The following FHOD3 variants were observed in gnomAD, a reference collection of about 807,000 sequenced individuals.
FHOD3 encodes FH1/FH2 domain-containing protein 3.
Under a neutral mutation model 173.0 loss-of-function variants are expected in FHOD3, and 90 were observed. That is an observed-to-expected ratio of 0.52 (90% confidence interval 0.44 to 0.62). The LOEUF is 0.62. FHOD3 is among the 20% of genes least tolerant of loss of function. The pLI is 0.00. For missense variants in FHOD3, 1,945 were observed against 2,034.7 expected (o/e 0.96, Z 0.85); for synonymous variants, 828 against 823.0 (o/e 1.01, Z -0.10).
At chr18:36,405,961 C>T (rs2049035464) in intron 3 of FHOD3, among the ~76,000 whole-genome samples, 1 of 152,174 alleles carries the variant, frequency 6.6e-6, no homozygotes, top group Non-Finnish European at 1.5e-5. Flanking sequence ...GGTCTGTGCC[C>T]AGCAGTGCTA....
At chr18:36,443,424 T>C (rs1235266172) in intron 3 of FHOD3, among the ~76,000 whole-genome samples, 2 of 152,220 alleles carry the variant, frequency 1.3e-5, no homozygotes, top group Non-Finnish European at 2.9e-5. Flanking sequence ...TTATCATCAC[T>C]TATTTTGTTG....
intron 1 of FHOD3, 51 bp downstream of exon 1, chr18:36,298,051 G>C: frequency 7.1e-7 from 1 of 1,402,088 alleles, no homozygotes; most frequent in Admixed American, 3.3e-5. Flanking sequence ...CCCCTGCCGC[G>C]GTGCGCGCCG....
chr18:36,477,221 A>G (rs951513758), intron 3 of FHOD3, among the ~76,000 whole-genome samples: 2 of 152,098 alleles, frequency 1.3e-5, no homozygotes, highest in Non-Finnish European at 2.9e-5. Flanking sequence ...CAGGAGGGAG[A>G]TGAGGTTGGG....
At chr18:36,477,587 C>CTACT (rs1345881766) in intron 3 of FHOD3, among the ~76,000 whole-genome samples, 62 of 148,490 alleles carry the variant, frequency 4.2e-4, no homozygotes, top group Non-Finnish European at 7.5e-4. Flanking sequence ...ACCTACCTAC[C>CTACT]TACCTACCTA....
intron 1 of FHOD3, among the ~76,000 whole-genome samples, chr18:36,298,594 C>T (rs2091871061): frequency 6.6e-6 from 1 of 152,098 alleles, no homozygotes; most frequent in African/African-American, 2.4e-5. Context: ...AGGGTATCCC[C>T]CTTTTCTTCT....
chr18:36,468,821 T>G (rs533438004), intron 3 of FHOD3, among the ~76,000 whole-genome samples: 1 of 151,798 alleles, frequency 6.6e-6, no homozygotes, highest in Admixed American at 6.6e-5. Flanking sequence ...CACCTGGGAG[T>G]GCAAGCCACC....
chr18:36,499,721 C>T (rs144519803), intron 3 of FHOD3, among the ~76,000 whole-genome samples: 6 of 152,320 alleles, frequency 3.9e-5, no homozygotes, highest in African/African-American at 1.4e-4. Context: ...CTTTAGAGGT[C>T]AGCCTGAGAG....
chr18:36,423,290 GAGATC>G (rs1194922851), intron 3 of FHOD3, among the ~76,000 whole-genome samples: 2 of 152,154 alleles, frequency 1.3e-5, no homozygotes, highest in Admixed American at 1.3e-4. Context: ...GATCTCATTG[GAGATC>G]AGATTGGGTT....
Position 36,561,396 on chromosome 18 carries a change from AG to A in FHOD3, c.512-15054del, listed in dbSNP as rs147488637. On this transcript the variant is annotated intron_variant, in intron 5 of 28. Transcript: ENST00000590592. ...TGGGTCAGCTCCATAGGGCTGGGCTAGTCTCATACCTGTTTGTGCACAAGGA... is the reference window on the plus strand; with the variant it reads ...TGGGTCAGCTCCATAGGGCTGGGCTATCTCATACCTGTTTGTGCACAAGGA... Among the ~76,000 whole-genome samples, 135 of 152,278 alleles carry A rather than the reference AG, an allele frequency of 8.9e-4. 1 individual carries two copies. The highest frequency in any genetic ancestry group is 3.0e-3 in the African/African-American group (125 of 41,562).
intron 3 of FHOD3, among the ~76,000 whole-genome samples, chr18:36,395,172 G>A (rs1454355389): frequency 7.0e-6 from 1 of 142,970 alleles, no homozygotes; most frequent in Non-Finnish European, 1.5e-5. Context: ...TTCTTTTTTT[G>A]TGTGTTTGCT....
intron 4 of FHOD3, among the ~76,000 whole-genome samples, chr18:36,510,025 G>A (rs889702461): frequency 1.3e-5 from 2 of 152,154 alleles, no homozygotes; most frequent in Non-Finnish European, 2.9e-5. Flanking sequence ...TCTGGGCATG[G>A]ATCACCACCT....
At chr18:36,301,786 A>T (rs2091961402) in intron 1 of FHOD3, among the ~76,000 whole-genome samples, 1 of 152,232 alleles carries the variant, frequency 6.6e-6, no homozygotes, top group Admixed American at 6.5e-5. Context: ...TTTCACTTTG[A>T]TAGCCAACAC....
intron 18 of FHOD3, among the ~76,000 whole-genome samples, chr18:36,717,582 A>G (rs1312297542): frequency 6.6e-6 from 1 of 152,146 alleles, no homozygotes; most frequent in Non-Finnish European, 1.5e-5. Flanking sequence ...GATTTCTCCC[A>G]TGAGCCCAGG....
intron 3 of FHOD3, among the ~76,000 whole-genome samples, chr18:36,464,140 A>G (rs1599234944): frequency 6.6e-6 from 1 of 152,300 alleles, no homozygotes; most frequent in East Asian, 1.9e-4. Flanking sequence ...ATCTGTGGCC[A>G]GGTTGATAAT....
chr18:36,717,893 C>T lies in FHOD3; in HGVS notation c.2595C>T (p.Thr865=). 1.2e-6 allele frequency: 2 copies of T among 1,612,522 alleles called. No individual in the cohort carries two copies. The highest frequency in any genetic ancestry group is 2.2e-5 in the South Asian group (2 of 90,694). ...GVNGQCGDIL[T]NKRFMLDMLY... is the part of the protein sequence containing the mutation. ...ATGGACAGTGTGGCGACATCCTCAC[C>T]AACAAACGGTTCATGCTTGACATGC... The change falls in exon 19 of 29, where the codon ACC becomes ACT. Residue 865 remains threonine, a synonymous_variant. Coordinates refer to ENST00000590592, the MANE Select transcript of FHOD3 (RefSeq NM_001281740.3).
intron 6 of FHOD3, 136 bp downstream of exon 6, chr18:36,576,681 C>T (rs2058667205): frequency 1.8e-6 from 1 of 553,294 alleles, no homozygotes; most frequent in African/African-American, 2.0e-5. Flanking sequence ...AGGATTACTA[C>T]TCTACAAATT....
At chr18:36,329,770 A>G (rs1178237677) in intron 1 of FHOD3, among the ~76,000 whole-genome samples, 3 of 152,184 alleles carry the variant, frequency 2.0e-5, no homozygotes, top group Non-Finnish European at 4.4e-5. Context: ...GGATGCCTGC[A>G]TGGACCCAAG....
At chr18:36,693,139 A>C in intron 16 of FHOD3, 70 bp from the exon 17 acceptor site, 1 of 1,445,396 alleles carries the variant, frequency 6.9e-7, no homozygotes, top group Non-Finnish European at 9.5e-7. Context: ...CAGGTGTTTC[A>C]TCCATAAACA....
intron 24 of FHOD3, among the ~76,000 whole-genome samples, chr18:36,754,526 T>C (rs1224515333): frequency 1.3e-5 from 2 of 152,032 alleles, no homozygotes; most frequent in African/African-American, 2.4e-5. Flanking sequence ...TGTTTCCTAA[T>C]TAAATTAATA....
Sources: allele counts gnomAD v4.1 joint callset (sites outside exome capture counted in the v4.1 genomes callset), GRCh38; gene constraint gnomAD v4.1.1; transcripts MANE v1.5; gene names NCBI Gene and HGNC (gene_info 2026-07-23, HGNC 2026-07-21).